The following EPM2A variants were observed in gnomAD, a reference collection of about 807,000 sequenced individuals.
EPM2A encodes EPM2A glucan phosphatase, laforin.
EPM2A carries 21 observed loss-of-function variants against 26.5 expected under a neutral mutation model. The ratio of observed to expected loss-of-function variants is 0.79; its 90% CI spans 0.56 to 1.14. EPM2A has a LOEUF of 1.14. EPM2A is among the 50% of genes most tolerant of loss of function. The pLI is 0.00. For synonymous variants in EPM2A, 217 were observed against 177.6 expected, an observed-to-expected ratio of 1.22 and a Z score of -1.76; for missense variants, 458 against 440.8, an observed-to-expected ratio of 1.04 and a Z score of -0.35.
intron 4 of EPM2A, among the ~76,000 whole-genome samples, chr6:145,441,224 A>G (rs1036343541): frequency 1.3e-5 from 2 of 152,246 alleles, no homozygotes; most frequent in Non-Finnish European, 2.9e-5. Flanking sequence ...CTCTGAAGCC[A>G]TGGCCCAACT....
intron 2 of EPM2A, among the ~76,000 whole-genome samples, chr6:145,505,106 GA>G (rs1229117714): frequency 8.9e-6 from 1 of 112,654 alleles, no homozygotes; most frequent in Non-Finnish European, 1.8e-5. Flanking sequence ...GGGGTGGGGG[GA>G]GGGGGGAGGG....
Position 145,548,770 on chromosome 6 carries a change from A to T in EPM2A, c.341-46195T>A, listed in dbSNP as rs149703594. Among the ~76,000 whole-genome samples, 42 of 152,126 alleles carry T rather than the reference A, an allele frequency of 2.8e-4. No homozygotes were observed. The East Asian group carries it at 5.0e-3, about 18-fold the overall frequency. ...TCCTCTTTGTTTTCCTAAGAGCTAA[A>T]CTCGGCTCTCACTCACTTTGCTTGC... On this transcript the variant is annotated intron_variant, in intron 2 of 3. Transcript: ENST00000450221.
chr6:145,544,848 T>C (rs1458621044), intron 2 of EPM2A, among the ~76,000 whole-genome samples: 2 of 152,150 alleles, frequency 1.3e-5, no homozygotes, highest in Non-Finnish European at 2.9e-5. Flanking sequence ...GTTCCCAGGG[T>C]AGGACCCCTG....
chr6:145,616,576 G>A (rs932294279), intron 2 of EPM2A, among the ~76,000 whole-genome samples: 2 of 152,214 alleles, frequency 1.3e-5, no homozygotes, highest in African/African-American at 4.8e-5. Context: ...CTGACAGCTT[G>A]CACTGTGTGC....
chr6:145,436,944 G>T, intron 4 of EPM2A, among the ~76,000 whole-genome samples: 1 of 151,390 alleles, frequency 6.6e-6, no homozygotes, highest in Admixed American at 6.6e-5. Context: ...AATTCTTTAG[G>T]ATTACTTTAA....
intron 2 of EPM2A, among the ~76,000 whole-genome samples, chr6:145,514,634 T>C (rs1440064536): frequency 6.6e-6 from 1 of 152,162 alleles, no homozygotes; most frequent in African/African-American, 2.4e-5. Flanking sequence ...GTTTCTCAAC[T>C]GGGGGAAATT....
chr6:145,663,349 G>C (rs896760608), intron 2 of EPM2A, among the ~76,000 whole-genome samples: 1 of 152,224 alleles, frequency 6.6e-6, no homozygotes, highest in African/African-American at 2.4e-5. Flanking sequence ...CTGAGGTACC[G>C]GGTTCATCTC....
At chr6:145,454,885 C>T (rs566445493) in intron 4 of EPM2A, among the ~76,000 whole-genome samples, 1 of 152,062 alleles carries the variant, frequency 6.6e-6, no homozygotes, top group Non-Finnish European at 1.5e-5. Flanking sequence ...CTCCTTTGAC[C>T]TCGGTGAAAT....
chr6:145,716,100 A>T (rs954848691), intron 1 of EPM2A, among the ~76,000 whole-genome samples: 2 of 152,208 alleles, frequency 1.3e-5, no homozygotes, highest in East Asian at 3.8e-4. Context: ...ATGCCAGCAC[A>T]TCACTCCACT....
intron 4 of EPM2A, chr6:145,490,388 T>G: frequency 1.1e-6 from 1 of 926,862 alleles, no homozygotes; most frequent in East Asian, 2.4e-5. Context: ...TGGCATGCAG[T>G]GAGGTGACAT....
chr6:145,389,758 C>T (rs923866438), intron 4 of EPM2A, among the ~76,000 whole-genome samples: 42 of 152,056 alleles, frequency 2.8e-4, no homozygotes, highest in Non-Finnish European at 2.9e-4. Flanking sequence ...TCAGAGTACA[C>T]GAAGAGTAAT....
intron 2 of EPM2A, among the ~76,000 whole-genome samples, chr6:145,670,137 A>G (rs1438797557): frequency 6.6e-6 from 1 of 151,308 alleles, no homozygotes; most frequent in Non-Finnish European, 1.5e-5. Context: ...ATTTTTCTCT[A>G]CTCTCTGGGA....
chr6:145,695,234 C>G (rs951151551), intron 1 of EPM2A, among the ~76,000 whole-genome samples: 3 of 151,876 alleles, frequency 2.0e-5, no homozygotes, highest in African/African-American at 7.2e-5. Flanking sequence ...CTTAGAATAG[C>G]CTGTTACAGG....
At chr6:145,443,660 A>G (rs1779095745) in intron 4 of EPM2A, among the ~76,000 whole-genome samples, 4 of 152,126 alleles carry the variant, frequency 2.6e-5, no homozygotes, top group Admixed American at 2.0e-4. Context: ...TTAGATATAG[A>G]ATCATGTCAT....
intron 4 of EPM2A, among the ~76,000 whole-genome samples, chr6:145,407,796 C>T (rs141803677): frequency 4.4e-4 from 67 of 152,186 alleles, no homozygotes; most frequent in African/African-American, 1.5e-3. Flanking sequence ...AAAAAATTGT[C>T]GTCAAGTCAG....
At chr6:145,472,604 G>A (rs972840557) in intron 4 of EPM2A, among the ~76,000 whole-genome samples, 2 of 152,036 alleles carry the variant, frequency 1.3e-5, no homozygotes, top group Non-Finnish European at 2.9e-5. Context: ...TGGGCCTCAA[G>A]GGAACATCAG....
In EPM2A at chr6:145,448,664, A is replaced by G. The variant is rs190383399; in HGVS notation, c.555+53858T>C. The stretch of plus-strand genomic sequence containing the variant: ...AATCAGCTACATCTACAGCTAGACC[A>G]TAAGCCAACTTCTCTATCACTAACA... On this transcript the variant is annotated intron_variant, in intron 4 of 4. Coordinates refer to the EPM2A transcript ENST00000638717. Among the ~76,000 whole-genome samples the G allele has an allele frequency of 1.1e-3, 168 of 152,326 alleles. 2 individuals are homozygous for G. Among genetic ancestry groups the G allele is most frequent in the Non-Finnish European group, 1.0e-3 (71 of 68,010 alleles).
At chr6:145,427,653 G>A (rs1007235622) in intron 4 of EPM2A, among the ~76,000 whole-genome samples, 5 of 152,142 alleles carry the variant, frequency 3.3e-5, no homozygotes, top group African/African-American at 7.2e-5. Context: ...AAAGAAGACA[G>A]TCTAGTTAGG....
chr6:145,399,429 GTT>G (rs1778451627), intron 4 of EPM2A, among the ~76,000 whole-genome samples: 1 of 152,102 alleles, frequency 6.6e-6, no homozygotes, highest in South Asian at 2.1e-4. Flanking sequence ...AACTATAAAA[GTT>G]TTCCTGCTTT....
Sources: gnomAD v4.1 joint callset for allele counts (sites outside exome capture counted in the v4.1 genomes callset) on GRCh38, gnomAD v4.1.1 for gene constraint, MANE v1.5 for transcripts, NCBI Gene and HGNC (gene_info 2026-07-23, HGNC 2026-07-21) for gene names.